COL28A1: variants seen among roughly 807,000 people sequenced by gnomAD.
The protein encoded by COL28A1 is collagen alpha-1(XXVIII) chain.
In COL28A1, 161 loss-of-function variants were observed where a neutral mutation model predicts 150.2. The ratio of observed to expected loss-of-function variants is 1.07; its 90% CI spans 0.94 to 1.22. The LOEUF (loss-of-function observed/expected upper bound fraction) is 1.22, where lower values mean the gene tolerates loss of function less well. Ranked by LOEUF, COL28A1 falls within the 50% of genes most tolerant of loss-of-function variation. COL28A1 has a pLI of 0.00. For synonymous variants in COL28A1, 552 were observed against 469.7 expected, an observed-to-expected ratio of 1.18 and a Z score of -2.26; for missense variants, 1,617 against 1,388.3, an observed-to-expected ratio of 1.16 and a Z score of -2.62.
At chr7:7,452,033 C>G (rs78081877) in intron 18 of COL28A1, among the ~76,000 whole-genome samples, 89 of 152,294 alleles carry the variant, frequency 5.8e-4, no homozygotes, top group Admixed American at 1.4e-3. Flanking sequence ...TATTGAGAAT[C>G]TATCATGTCC....
chr7:7,467,652 A>G (rs1409907434), intron 15 of COL28A1, among the ~76,000 whole-genome samples: 38 of 36,844 alleles, frequency 1.0e-3, no homozygotes, highest in Non-Finnish European at 1.7e-3. Context: ...AACAGAATAT[A>G]CATTTTTTTC....
chr7:7,514,276 T>G (rs965655876), intron 8 of COL28A1, among the ~76,000 whole-genome samples: 8 of 152,220 alleles, frequency 5.3e-5, no homozygotes, highest in Non-Finnish European at 1.2e-4. Context: ...GTTCCTTTCC[T>G]CTTCATAATG....
intron 13 of COL28A1, among the ~76,000 whole-genome samples, chr7:7,489,138 AC>A (rs1215939147): frequency 6.6e-6 from 1 of 152,054 alleles, no homozygotes; most frequent in Non-Finnish European, 1.5e-5. Flanking sequence ...GGGCCTGGTG[AC>A]GTGCACTTGT....
intron 11 of COL28A1, among the ~76,000 whole-genome samples, chr7:7,503,822 G>A (rs1454480597): frequency 2.6e-5 from 4 of 152,178 alleles, no homozygotes; most frequent in Non-Finnish European, 5.9e-5. Flanking sequence ...AGAAAGAAAA[G>A]GGGGAACTCA....
intron 11 of COL28A1, among the ~76,000 whole-genome samples, chr7:7,501,369 T>A (rs888345970): frequency 6.6e-6 from 1 of 152,228 alleles, no homozygotes; most frequent in Non-Finnish European, 1.5e-5. Flanking sequence ...TATCTCCTTG[T>A]GCCCTTTAGG....
intron 27 of COL28A1, among the ~76,000 whole-genome samples, chr7:7,386,922 T>C (rs1029876564): frequency 2.0e-5 from 3 of 152,174 alleles, no homozygotes; most frequent in Admixed American, 6.6e-5. Flanking sequence ...GCAAATTCAG[T>C]GTCTGGTGAG....
At chr7:7,532,055 A>C in intron 2 of COL28A1, 151 bp from the exon 3 acceptor site, 1 of 528,402 alleles carries the variant, frequency 1.9e-6, no homozygotes. Context: ...AGAAGGCTTC[A>C]ATTGTAAAAA....
At chr7:7,417,547 G>C (rs1406511053) in intron 27 of COL28A1, 2 of 110,676 alleles carry the variant, frequency 1.8e-5, no homozygotes, top group Non-Finnish European at 3.2e-5. Context: ...GGAGGGGGGG[G>C]GGAGAGAGAG....
intron 3 of COL28A1, among the ~76,000 whole-genome samples, chr7:7,525,151 A>G (rs947296235): frequency 6.6e-6 from 1 of 152,326 alleles, no homozygotes; most frequent in African/African-American, 2.4e-5. Context: ...ATCAGACTCA[A>G]CCTCTTGCTT....
At chr7:7,527,829 G>A (rs1782115254) in intron 3 of COL28A1, among the ~76,000 whole-genome samples, 1 of 152,044 alleles carries the variant, frequency 6.6e-6, no homozygotes, top group African/African-American at 2.4e-5. Flanking sequence ...TGTGAGAAGG[G>A]GACAGAAAAC....
intron 2 of COL28A1, among the ~76,000 whole-genome samples, chr7:7,532,345 CT>C (rs1294006771): frequency 6.6e-6 from 1 of 151,902 alleles, no homozygotes; most frequent in Non-Finnish European, 1.5e-5. Flanking sequence ...ACTATACCCC[CT>C]ATACCAAGAG....
intron 18 of COL28A1, 139 bp downstream of exon 18, chr7:7,452,180 C>T: frequency 1.6e-6 from 2 of 1,258,646 alleles, no homozygotes; most frequent in Non-Finnish European, 1.1e-6. Context: ...GTAGTAGTAG[C>T]CGCACTTAAA....
At chr7:7,432,907 A>G (rs931971677) in intron 23 of COL28A1, among the ~76,000 whole-genome samples, 10 of 152,036 alleles carry the variant, frequency 6.6e-5, no homozygotes, top group Non-Finnish European at 1.3e-4. Flanking sequence ...AAAATTTATT[A>G]AGCACAATGT....
At chr7:7,390,123 TG>T (rs1385870508) in intron 27 of COL28A1, among the ~76,000 whole-genome samples, 1 of 152,186 alleles carries the variant, frequency 6.6e-6, no homozygotes, top group Admixed American at 6.5e-5. Context: ...ATACTGGCTT[TG>T]GGTTTGTCAT....
In COL28A1 at chr7:7,417,764, A is replaced by G. The variant is rs1462794909; in HGVS notation, c.2136+95T>C. The G allele has an allele frequency of 6.0e-6, 6 of 1,004,916 alleles. No homozygotes were observed. The East Asian group carries it at 1.2e-4, about 20-fold the overall frequency. The allele number at this position is 1,004,916 out of a possible 1,614,324, so 62.2% of individuals were successfully genotyped here. A position where few individuals can be genotyped will look rare whatever the true frequency, so the allele number is the denominator to read the frequency against. ...TAACTGCGAGGCTCACAATAAATCT[A>G]TTTCATAATAGCCATTTTTGCGTTA... On this transcript the variant is annotated intron_variant, in intron 27 of 34. Coordinates refer to ENST00000399429, the MANE Select transcript of COL28A1 (RefSeq NM_001037763.3).
intron 13 of COL28A1, among the ~76,000 whole-genome samples, chr7:7,489,113 C>CA (rs1279375282): frequency 2.0e-5 from 3 of 151,954 alleles, no homozygotes; most frequent in Non-Finnish European, 4.4e-5. Flanking sequence ...ACTAAAAATA[C>CA]AAAAAACATT....
At chr7:7,490,767 C>T (rs928276431) in intron 11 of COL28A1, 121 bp from the exon 12 acceptor site, 32 of 495,458 alleles carry the variant, frequency 6.5e-5, no homozygotes, top group African/African-American at 2.0e-5. Flanking sequence ...ACCTGTACAT[C>T]GTGCCTGCCC....
intron 31 of COL28A1, among the ~76,000 whole-genome samples, chr7:7,374,046 T>A (rs1286160284): frequency 0.03 from 4,020 of 133,408 alleles, 257 homozygotes; most frequent in African/African-American, 0.13. Context: ...AAAATATATA[T>A]ATATATATAT....
At chr7:7,369,052 T>C (rs182845648) in intron 33 of COL28A1, among the ~76,000 whole-genome samples, 39 of 152,326 alleles carry the variant, frequency 2.6e-4, no homozygotes, top group Non-Finnish European at 4.9e-4. Flanking sequence ...GGTATTAATA[T>C]AGCAAAAAAT....
Sources: allele counts gnomAD v4.1 joint callset (sites outside exome capture counted in the v4.1 genomes callset), GRCh38; gene constraint gnomAD v4.1.1; transcripts MANE v1.5; gene names NCBI Gene and HGNC (gene_info 2026-07-23, HGNC 2026-07-21).